The following GREB1L variants were observed in gnomAD, a reference collection of about 807,000 sequenced individuals.
GREB1L encodes GREB1 like retinoic acid receptor coactivator.
Under a neutral mutation model 200.8 loss-of-function variants are expected in GREB1L, and 17 were observed. The observed-to-expected ratio is 0.08, with a 90% CI of 0.06 to 0.13. GREB1L has a LOEUF of 0.13. GREB1L is among the 10% of genes least tolerant of loss of function. The pLI, the probability that GREB1L is intolerant of heterozygous loss-of-function variation, is 1.00. For missense variants in GREB1L, 1,657 were observed against 2,367.7 expected (o/e 0.70, Z 6.23); for synonymous variants, 789 against 893.0 (o/e 0.88, Z 2.08).
At chr18:21,498,790 C>T (rs1355231391) in intron 21 of GREB1L, among the ~76,000 whole-genome samples, 5 of 152,172 alleles carry the variant, frequency 3.3e-5, no homozygotes, top group African/African-American at 9.7e-5. Context: ...CAAGCTCTCC[C>T]CCAAGGCAGA....
At chr18:21,502,720 C>G (rs1036192390) in intron 23 of GREB1L, among the ~76,000 whole-genome samples, 2 of 152,192 alleles carry the variant, frequency 1.3e-5, no homozygotes, top group Non-Finnish European at 2.9e-5. Context: ...CCCCAAGGCC[C>G]CCAGAAAGAG....
intron 1 of GREB1L, among the ~76,000 whole-genome samples, chr18:21,309,799 G>A (rs928253922): frequency 6.6e-6 from 1 of 152,006 alleles, no homozygotes; most frequent in Non-Finnish European, 1.5e-5. Flanking sequence ...GCAATGTCTG[G>A]AGACATTTTT....
rs1372640211 is a variant in GREB1L, at chr18:21,522,700, G to A, written c.5651G>A (p.Arg1884His). 22 of 1,551,458 alleles carry A rather than the reference G, an allele frequency of 1.4e-5. No individual in the cohort carries two copies. The highest frequency in any genetic ancestry group is 1.4e-4 in the Admixed American group (7 of 50,966). ...ATCTGCCAAGACAGAAGTTCCTTGC[G>A]CCAAACAATTGTCCGCTTAGAGCTA... ...CVICQDRSSL[R>H]QTIVRLELED... The change falls in exon 33 of 33, where the codon CGC becomes CAC. Residue 1884 changes from arginine (R) to histidine (H), a missense_variant. This residue lies in a region of GREB1L where 190 missense variants were observed against 230.2 expected (regional missense o/e 0.83). Coordinates refer to ENST00000424526, the MANE Select transcript of GREB1L (RefSeq NM_001142966.3).
chr18:21,247,210 T>C (rs986283240), intron 1 of GREB1L, among the ~76,000 whole-genome samples: 6 of 152,186 alleles, frequency 3.9e-5, no homozygotes, highest in African/African-American at 1.4e-4. Context: ...TACCCAACTC[T>C]GTATTTGCCC....
At chr18:21,329,978 G>C (rs1481893691) in intron 1 of GREB1L, among the ~76,000 whole-genome samples, 1 of 150,096 alleles carries the variant, frequency 6.7e-6, no homozygotes, top group Non-Finnish European at 1.5e-5. Flanking sequence ...TTGGGGGGGG[G>C]GGGTCTTTAT....
At chr18:21,331,779 G>T (rs1009526330) in intron 1 of GREB1L, among the ~76,000 whole-genome samples, 2 of 152,162 alleles carry the variant, frequency 1.3e-5, no homozygotes, top group African/African-American at 4.8e-5. Flanking sequence ...GATACGGGCA[G>T]TACAACCAAA....
chr18:21,457,359 T>C (rs955951559), intron 15 of GREB1L, among the ~76,000 whole-genome samples: 1 of 152,234 alleles, frequency 6.6e-6, no homozygotes, highest in African/African-American at 2.4e-5. Flanking sequence ...GGCTTTGGCA[T>C]ACATACTGAA....
chr18:21,301,102 C>A (rs902786811), intron 1 of GREB1L, among the ~76,000 whole-genome samples: 9 of 152,106 alleles, frequency 5.9e-5, no homozygotes, highest in Non-Finnish European at 1.5e-5. Context: ...GGATGCTATT[C>A]GGAAAAGAGA....
intron 1 of GREB1L, among the ~76,000 whole-genome samples, chr18:21,290,883 G>A (rs557455305): frequency 2.7e-5 from 4 of 150,712 alleles, no homozygotes; most frequent in South Asian, 2.1e-4. Context: ...CTTTACTGTC[G>A]AGTCAAGTCA....
chr18:21,253,372 TCC>T (rs1555622260), intron 1 of GREB1L, among the ~76,000 whole-genome samples: 5 of 150,320 alleles, frequency 3.3e-5, no homozygotes, highest in Non-Finnish European at 5.9e-5. Context: ...AATCCCAGCC[TCC>T]TTAGTAGCTG....
At chr18:21,522,484 CAA>C (rs1245204503) in intron 32 of GREB1L, among the ~76,000 whole-genome samples, 172 bp from the exon 33 acceptor site, 1 of 151,736 alleles carries the variant, frequency 6.6e-6, no homozygotes, top group Non-Finnish European at 1.5e-5. Context: ...AAAAAAGAAA[CAA>C]AAAAAATTAC....
intron 19 of GREB1L, among the ~76,000 whole-genome samples, chr18:21,493,150 AG>A (rs2036406858): frequency 6.6e-6 from 1 of 152,222 alleles, no homozygotes. Flanking sequence ...CACCATTTTC[AG>A]GATGGCAAGA....
intron 23 of GREB1L, among the ~76,000 whole-genome samples, chr18:21,504,310 A>G (rs1052415504): frequency 1.3e-5 from 2 of 152,118 alleles, no homozygotes; most frequent in Admixed American, 6.5e-5. Flanking sequence ...CCAAGGTGGG[A>G]AGATGGCTTG....
At chr18:21,476,316 A>G (rs768532307) in intron 16 of GREB1L, among the ~76,000 whole-genome samples, 5 of 152,146 alleles carry the variant, frequency 3.3e-5, no homozygotes, top group Admixed American at 1.3e-4. Context: ...AATACTCCAC[A>G]ATCTGAAACC....
At chr18:21,465,411 G>A (rs1381446304) in intron 15 of GREB1L, among the ~76,000 whole-genome samples, 1 of 152,126 alleles carries the variant, frequency 6.6e-6, no homozygotes, top group Non-Finnish European at 1.5e-5. Context: ...TAATGATATT[G>A]TAGTTATACA....
At chr18:21,455,014 A>G (rs1423665085) in intron 15 of GREB1L, 1 of 163,548 alleles carries the variant, frequency 6.1e-6, no homozygotes, top group African/African-American at 2.4e-5. Flanking sequence ...CATGTCAGCA[A>G]TGACGTTCTT....
chr18:21,356,178 T>A (rs2039501092), intron 1 of GREB1L, among the ~76,000 whole-genome samples: 1 of 151,712 alleles, frequency 6.6e-6, no homozygotes, highest in Non-Finnish European at 1.5e-5. Context: ...AGATGGGGTT[T>A]CACCATGTTG....
intron 5 of GREB1L, among the ~76,000 whole-genome samples, chr18:21,395,805 C>T (rs1485759433): frequency 6.6e-6 from 1 of 151,338 alleles, no homozygotes; most frequent in Admixed American, 6.6e-5. Context: ...TCTAGGCTCA[C>T]TGCAACCTCT....
intron 1 of GREB1L, among the ~76,000 whole-genome samples, chr18:21,301,946 G>T (rs746981944): frequency 2.0e-5 from 3 of 152,202 alleles, no homozygotes; most frequent in Non-Finnish European, 2.9e-5. Flanking sequence ...AAGGGAGGAA[G>T]AATGGACTAA....
Sources: allele counts gnomAD v4.1 joint callset (sites outside exome capture counted in the v4.1 genomes callset), GRCh38; gene constraint gnomAD v4.1.1; regional missense constraint gnomAD v4.1.1; transcripts MANE v1.5; gene names NCBI Gene and HGNC (gene_info 2026-07-23, HGNC 2026-07-21).